The following FGF10 variants were observed in gnomAD, a reference collection of about 807,000 sequenced individuals.
The protein encoded by FGF10 is fibroblast growth factor 10, also known as FGF-10.
FGF10 carries 2 observed loss-of-function variants against 19.8 expected under a neutral mutation model. The ratio of observed to expected loss-of-function variants is 0.10; its 90% CI spans 0.04 to 0.32. FGF10 has a LOEUF of 0.32. Among genes scored for constraint, FGF10 ranks in the 10% least tolerant of loss-of-function variants. The pLI is 1.00. For synonymous variants in FGF10, 112 were observed against 94.0 expected (o/e 1.19, Z -1.10); for missense variants, 191 against 246.3 (o/e 0.78, Z 1.50).
rs1561223826 is a variant in FGF10 at position 44,388,581 on chromosome 5, AG to A, written c.101del (p.Pro34LeufsTer80). 1 of 1,614,180 alleles carries A rather than the reference AG, an allele frequency of 6.2e-7. No individual in the cohort carries two copies. Among genetic ancestry groups the A allele is most frequent in the Admixed American group, 1.7e-5 (1 of 60,026 alleles). ...FLLLFLVSSVPVTCQALGQDM... is the reference protein window; with the variant it reads ...FLLLFLVSSVXVTCQALGQDM... ...CCTGACCAAGGGCTTGGCAGGTGAC[AG>A]GGACGGAAGACACCAAGAACAGCAA... On this transcript the variant is annotated frameshift_variant, in exon 1 of 3. Coordinates refer to ENST00000264664, the MANE Select transcript of FGF10 (RefSeq NM_004465.2). LOFTEE classifies it high-confidence loss of function.
intron 1 of FGF10, among the ~76,000 whole-genome samples, chr5:44,314,125 G>A (rs1459486827): frequency 1.3e-5 from 2 of 152,028 alleles, no homozygotes; most frequent in African/African-American, 2.4e-5. Flanking sequence ...GGGGAAGGCT[G>A]GGAAGGGTGG....
At chr5:44,364,179 A>G (rs1448098081) in intron 1 of FGF10, among the ~76,000 whole-genome samples, 1 of 151,890 alleles carries the variant, frequency 6.6e-6, no homozygotes, top group Non-Finnish European at 1.5e-5. Flanking sequence ...GACTCTTTTT[A>G]AAGCAAAAGT....
rs149857780 is a variant in FGF10 at position 44,375,177 on chromosome 5, A to G, written c.325+13181T>C. 1.8e-3 allele frequency among the ~76,000 whole-genome samples: 278 copies of G among 152,296 alleles called. 1 individual carries two copies. The highest frequency in any genetic ancestry group is 2.3e-3 in the Non-Finnish European group (157 of 68,028). On this transcript the variant is annotated intron_variant, in intron 1 of 2. Transcript: ENST00000264664. ...GAGGACTTATTATATGCCAAATACT[A>G]TCTTAAGTGCATGCATGTAAAAGTC...
chr5:44,324,455 A>G lies in FGF10; in HGVS notation c.326-13925T>C, dbSNP rs149004707. On this transcript the variant is annotated intron_variant, in intron 1 of 2. Coordinates refer to ENST00000264664, the MANE Select transcript of FGF10 (RefSeq NM_004465.2). ...AACGTACCTGGGTTCAGCTAGATAA[A>G]ACCGCACAATATCATATCTTGAAGA... 2.4e-3 allele frequency among the ~76,000 whole-genome samples: 366 copies of G among 152,258 alleles called. 1 individual carries two copies. The highest frequency in any genetic ancestry group is 8.4e-3 in the African/African-American group (348 of 41,582).
At chr5:44,358,955 A>G (rs1741413948) in intron 1 of FGF10, among the ~76,000 whole-genome samples, 1 of 151,500 alleles carries the variant, frequency 6.6e-6, no homozygotes, top group Admixed American at 6.6e-5. Context: ...TCAGAATAAC[A>G]TTCTCCAATA....
At chr5:44,385,131 A>G (rs1742069317) in intron 1 of FGF10, among the ~76,000 whole-genome samples, 1 of 152,170 alleles carries the variant, frequency 6.6e-6, no homozygotes, top group Non-Finnish European at 1.5e-5. Flanking sequence ...ATATCTAGTG[A>G]CAGATACACC....
chr5:44,308,964 CAT>C (rs1191413441), intron 2 of FGF10, among the ~76,000 whole-genome samples: 3 of 152,096 alleles, frequency 2.0e-5, no homozygotes, highest in African/African-American at 7.2e-5. Context: ...GATTCTGATG[CAT>C]ACTCAAGTTT....
intron 1 of FGF10, among the ~76,000 whole-genome samples, chr5:44,386,671 C>T (rs768858993): frequency 1.3e-5 from 2 of 152,118 alleles, no homozygotes; most frequent in Non-Finnish European, 1.5e-5. Flanking sequence ...CAGCTACTTT[C>T]TTTGAATCAG....
Position 44,302,015 on chromosome 5 carries a change from A to T in FGF10, c.*2980T>A, listed in dbSNP as rs1479493102. On this transcript the variant is annotated 3_prime_UTR_variant, in exon 3 of 3. Coordinates refer to ENST00000264664, the MANE Select transcript of FGF10 (RefSeq NM_004465.2). Reference sequence around the variant, plus strand: ...ATGGACACATATTTGTGGCTGATGCACTTTAACTTTGTGGGCCTGGGACCA... The same window carrying T: ...ATGGACACATATTTGTGGCTGATGCTCTTTAACTTTGTGGGCCTGGGACCA... Among the ~76,000 whole-genome samples the T allele has an allele frequency of 6.6e-6, 1 of 151,806 alleles. No individual in the cohort carries two copies. Among genetic ancestry groups the T allele is most frequent in the Non-Finnish European group, 1.5e-5 (1 of 67,986 alleles).
intron 1 of FGF10, among the ~76,000 whole-genome samples, chr5:44,381,045 T>C (rs1741972512): frequency 6.6e-6 from 1 of 152,062 alleles, no homozygotes; most frequent in East Asian, 1.9e-4. Context: ...GTGTTATGTA[T>C]GCAAATAATT....
At chr5:44,312,702 T>C (rs1337173962) in intron 1 of FGF10, among the ~76,000 whole-genome samples, 1 of 152,038 alleles carries the variant, frequency 6.6e-6, no homozygotes, top group Non-Finnish European at 1.5e-5. Context: ...CTGCTTACAT[T>C]GTCTGGCCAA....
At chr5:44,358,861 C>G (rs1048641401) in intron 1 of FGF10, among the ~76,000 whole-genome samples, 1 of 151,430 alleles carries the variant, frequency 6.6e-6, no homozygotes, top group African/African-American at 2.4e-5. Context: ...TACATTGTAT[C>G]TAAAATTGAT....
intron 1 of FGF10, among the ~76,000 whole-genome samples, chr5:44,346,207 T>TA (rs1209449349): frequency 6.6e-6 from 1 of 151,814 alleles, no homozygotes; most frequent in African/African-American, 2.4e-5. Flanking sequence ...CATGAACACT[T>TA]ACTTGTTCTG....
chr5:44,310,377 A>T (rs373458282), intron 2 of FGF10, 50 bp downstream of exon 2: 53 of 1,308,064 alleles, frequency 4.1e-5, no homozygotes, highest in South Asian at 3.8e-4. Context: ...TTCCAAAACT[A>T]TGGTAATGGT....
intron 1 of FGF10, among the ~76,000 whole-genome samples, chr5:44,340,820 T>C (rs1740953226): frequency 6.6e-6 from 1 of 150,390 alleles, no homozygotes. Context: ...TGTGTTGTCC[T>C]TTGCTCAAAA....
chr5:44,363,952 C>T (rs1176046870), intron 1 of FGF10, among the ~76,000 whole-genome samples: 2 of 151,730 alleles, frequency 1.3e-5, no homozygotes, highest in Non-Finnish European at 2.9e-5. Flanking sequence ...ATAAACAAGA[C>T]TTCCTTATAT....
intron 1 of FGF10, among the ~76,000 whole-genome samples, chr5:44,320,006 C>T (rs1561200072): frequency 6.6e-6 from 1 of 152,146 alleles, no homozygotes; most frequent in East Asian, 1.9e-4. Context: ...TGCCTCCCAT[C>T]AGATCAGCAG....
At chr5:44,344,564 TTC>T (rs1240046340) in intron 1 of FGF10, among the ~76,000 whole-genome samples, 1 of 33,136 alleles carries the variant, frequency 3.0e-5, no homozygotes, top group African/African-American at 8.4e-5. Flanking sequence ...CTGTTTTGTT[TTC>T]TCTGTGTGTG....
At chr5:44,336,199 T>A (rs1197270869) in intron 1 of FGF10, among the ~76,000 whole-genome samples, 3 of 152,072 alleles carry the variant, frequency 2.0e-5, no homozygotes, top group Non-Finnish European at 4.4e-5. Context: ...AGTTTGATTC[T>A]CTTTCTTTTT....
Sources: allele counts gnomAD v4.1 joint callset (sites outside exome capture counted in the v4.1 genomes callset), GRCh38; gene constraint gnomAD v4.1.1; transcripts MANE v1.5; gene names NCBI Gene and HGNC (gene_info 2026-07-23, HGNC 2026-07-21).